The following TNIK variants were observed in gnomAD, a reference collection of about 807,000 sequenced individuals.
The protein encoded by TNIK is TRAF2 and NCK interacting kinase.
TNIK carries 49 observed loss-of-function variants against 191.3 expected under a neutral mutation model. The ratio of observed to expected loss-of-function variants is 0.26; its 90% CI spans 0.20 to 0.32. The LOEUF (loss-of-function observed/expected upper bound fraction) is 0.32, where lower values mean the gene tolerates loss of function less well. Ranked by LOEUF, TNIK falls within the 10% of genes least tolerant of loss-of-function variation. The probability of loss-of-function intolerance (pLI) is 1.00; values close to 1 mark genes in which losing one functional copy is unlikely to be tolerated. For missense variants in TNIK, 1,155 were observed against 1,702.3 expected, an observed-to-expected ratio of 0.68 and a Z score of 5.66; for synonymous variants, 594 against 600.9, an observed-to-expected ratio of 0.99 and a Z score of 0.17.
intron 1 of TNIK, among the ~76,000 whole-genome samples, chr3:171,418,940 C>A (rs949940070): frequency 1.3e-5 from 2 of 152,094 alleles, no homozygotes; most frequent in Non-Finnish European, 2.9e-5. Context: ...CCAGCAGGGT[C>A]AGTTTCTGGT....
At chr3:171,264,054 G>GTATA (rs1368832888) in intron 2 of TNIK, among the ~76,000 whole-genome samples, 1 of 138,602 alleles carries the variant, frequency 7.2e-6, no homozygotes, top group Non-Finnish European at 1.5e-5. Flanking sequence ...ATGTGTGTGT[G>GTATA]TATATATATA....
At chr3:171,252,742 A>G (rs16856050) in intron 2 of TNIK, among the ~76,000 whole-genome samples, 4,861 of 152,190 alleles carry the variant, frequency 0.032, 229 homozygotes, top group African/African-American at 0.11. Context: ...TATCTGGGAG[A>G]AACTTAATCT....
intron 5 of TNIK, among the ~76,000 whole-genome samples, chr3:171,191,400 G>A (rs61792399): frequency 0.087 from 13,277 of 151,984 alleles, 795 homozygotes; most frequent in African/African-American, 0.17. Flanking sequence ...CTGCCACCAC[G>A]CCAGGCTAAT....
chr3:171,124,711 TTC>T (rs1208401718), intron 17 of TNIK, among the ~76,000 whole-genome samples: 2 of 152,224 alleles, frequency 1.3e-5, no homozygotes, highest in Non-Finnish European at 2.9e-5. Flanking sequence ...TTACTATTTT[TTC>T]TTTTCCTTAC....
rs33932410 is a variant in TNIK at position 171,154,259 on chromosome 3, C to CAA, written c.1221+3199_1221+3200dup. On this transcript the variant is annotated intron_variant, in intron 12 of 32. Coordinates refer to ENST00000436636, the MANE Select transcript of TNIK (RefSeq NM_015028.4). ...CAATAAGATACAGGTGATATCTCTTCAAAAAAAAAAAAAAAAATTCATGGG... is the reference window on the plus strand; with the variant it reads ...CAATAAGATACAGGTGATATCTCTTCAAAAAAAAAAAAAAAAAAATTCATGGG... 9.7e-4 allele frequency among the ~76,000 whole-genome samples: 134 copies of CAA among 137,614 alleles called. 1 individual carries two copies. Among genetic ancestry groups the CAA allele is most frequent in the Middle Eastern group, 3.7e-3 (1 of 268 alleles). 90.3% of individuals were successfully genotyped at this position (137,614 alleles called of 152,430 possible).
chr3:171,086,794 C>T (rs759939031), intron 24 of TNIK, among the ~76,000 whole-genome samples: 3 of 152,152 alleles, frequency 2.0e-5, no homozygotes, highest in African/African-American at 4.8e-5. Flanking sequence ...TCAGACTTTT[C>T]GCTGGGGCTG....
intron 18 of TNIK, among the ~76,000 whole-genome samples, chr3:171,119,923 T>C (rs1448490986): frequency 6.6e-6 from 1 of 152,192 alleles, no homozygotes; most frequent in East Asian, 1.9e-4. Flanking sequence ...GTTGTGCACA[T>C]GTACCCTAAA....
At chr3:171,288,799 C>T (rs557916694) in intron 2 of TNIK, among the ~76,000 whole-genome samples, 200 of 119,442 alleles carry the variant, frequency 1.7e-3, no homozygotes, top group African/African-American at 6.5e-3. Context: ...CAGAGCAAGA[C>T]TCCATCTCAA....
chr3:171,138,563 T>C (rs1365066102), intron 14 of TNIK, among the ~76,000 whole-genome samples, 184 bp from the exon 15 acceptor site: 1 of 151,754 alleles, frequency 6.6e-6, no homozygotes, highest in Non-Finnish European at 1.5e-5. Context: ...CTTGTGTTAG[T>C]ATCTACACAA....
At chr3:171,337,715 A>G (rs1757098472) in intron 2 of TNIK, among the ~76,000 whole-genome samples, 1 of 152,230 alleles carries the variant, frequency 6.6e-6, no homozygotes, top group Admixed American at 6.5e-5. Context: ...TAGTCAAAGA[A>G]GGTAGAAGAT....
chr3:171,079,534 A>G lies in TNIK; in HGVS notation c.3432T>C (p.Cys1144=). The change falls in exon 28 of 33, where the codon TGT becomes TGC. Residue 1144 remains cysteine, a synonymous_variant. Coordinates refer to ENST00000436636, the MANE Select transcript of TNIK (RefSeq NM_015028.4). ...GWITVGDLEG[C]IHYKVVKYER... ...GAGACTTACCAACTTTATAATGTAT[A>G]CAGCCTTCCAAGTCCCCAACAGTGA... 6.2e-7 allele frequency: 1 copy of G among 1,613,656 alleles called. No individual in the cohort carries two copies. Among genetic ancestry groups the G allele is most frequent in the Non-Finnish European group, 8.5e-7 (1 of 1,179,716 alleles).
chr3:171,159,127 G>A lies in TNIK; in HGVS notation c.1017-1463C>T, dbSNP rs1733630357. 6.6e-6 allele frequency among the ~76,000 whole-genome samples: 1 copy of A among 152,192 alleles called. No homozygotes were observed. Among genetic ancestry groups the A allele is most frequent in the South Asian group, 2.1e-4 (1 of 4,830 alleles). On this transcript the variant is annotated intron_variant, in intron 11 of 32. Coordinates refer to ENST00000436636, the MANE Select transcript of TNIK (RefSeq NM_015028.4). This position sits in a 1 kb window ranked among gnomAD's most constrained non-coding sequence, Gnocchi z 4.1. Reference sequence around the variant, plus strand: ...TGGATGACCTAGCGAGGGGTACAGGGGCAAGCACAGCAAGCCGGACTGCTG... The same window carrying A: ...TGGATGACCTAGCGAGGGGTACAGGAGCAAGCACAGCAAGCCGGACTGCTG...
intron 18 of TNIK, among the ~76,000 whole-genome samples, chr3:171,114,250 A>G (rs2108518919): frequency 6.6e-6 from 1 of 152,288 alleles, no homozygotes; most frequent in African/African-American, 2.4e-5. Flanking sequence ...CTTTGTTAAC[A>G]GTTATCATAC....
At chr3:171,100,798 CATATAA>C (rs1723411629) in intron 22 of TNIK, among the ~76,000 whole-genome samples, 1 of 130,066 alleles carries the variant, frequency 7.7e-6, no homozygotes, top group Non-Finnish European at 1.7e-5. Context: ...AATGTAGGTA[CATATAA>C]ATATACATGT....
At chr3:171,347,217 T>C (rs1264001138) in intron 2 of TNIK, 4 of 1,485,362 alleles carry the variant, frequency 2.7e-6, no homozygotes, top group Non-Finnish European at 3.5e-6. Flanking sequence ...CTGGTTCATT[T>C]GCTGAAAAAA....
intron 28 of TNIK, among the ~76,000 whole-genome samples, chr3:171,074,224 T>C (rs1222100811): frequency 6.6e-6 from 1 of 152,110 alleles, no homozygotes; most frequent in Non-Finnish European, 1.5e-5. Context: ...GCAACGTGGA[T>C]GGAGCTGTAG....
At chr3:171,111,674 G>A (rs1725880824) in intron 18 of TNIK, among the ~76,000 whole-genome samples, 1 of 152,174 alleles carries the variant, frequency 6.6e-6, no homozygotes, top group African/African-American at 2.4e-5. Flanking sequence ...ATATCCAAAG[G>A]AAATGAAATC....
At chr3:171,405,508 T>TAAAAA (rs10635709) in intron 1 of TNIK, among the ~76,000 whole-genome samples, 56,731 of 143,880 alleles carry the variant, frequency 0.39, 11,674 homozygotes, top group Non-Finnish European at 0.45. Flanking sequence ...CCAAATCTGG[T>TAAAAA]AAAAAAAAAA....
At chr3:171,457,928 C>T (rs1560098523) in intron 1 of TNIK, among the ~76,000 whole-genome samples, 1 of 152,224 alleles carries the variant, frequency 6.6e-6, no homozygotes, top group Non-Finnish European at 1.5e-5. Context: ...CGCAGTCGTC[C>T]GCCCAGTGGG....
Sources: allele counts gnomAD v4.1 joint callset (sites outside exome capture counted in the v4.1 genomes callset), GRCh38; gene constraint gnomAD v4.1.1; non-coding constraint Gnocchi (gnomAD v3.1); transcripts MANE v1.5; gene names NCBI Gene and HGNC (gene_info 2026-07-23, HGNC 2026-07-21).